SLC38A4: variants seen among roughly 807,000 people sequenced by gnomAD.
The protein encoded by SLC38A4 is solute carrier family 38 member 4.
In SLC38A4, 20 loss-of-function variants were observed where a neutral mutation model predicts 63.1. The observed-to-expected ratio is 0.32, with a 90% CI of 0.22 to 0.46. SLC38A4 has a LOEUF of 0.46. Among genes scored for constraint, SLC38A4 ranks in the 20% least tolerant of loss-of-function variants. The pLI, the probability that SLC38A4 is intolerant of heterozygous loss-of-function variation, is 1.00. For missense variants in SLC38A4, 526 were observed against 663.6 expected (o/e 0.79, Z 2.28); for synonymous variants, 230 against 225.5 (o/e 1.02, Z -0.18).
rs1938327905 is a variant in SLC38A4, at chr12:46,767,625, A to C, written c.1542+685T>G. 3.3e-5 allele frequency among the ~76,000 whole-genome samples: 5 copies of C among 152,244 alleles called. No individual in the cohort carries two copies. The South Asian group carries it at 1.0e-3, about 32-fold the overall frequency. Reference sequence around the variant, plus strand: ...CCCCAGAACATCCCAAAGGTAAATGACTTCAAGGTAAAAATTCAGAGTAAT... The same window carrying C: ...CCCCAGAACATCCCAAAGGTAAATGCCTTCAAGGTAAAAATTCAGAGTAAT... On this transcript the variant is annotated intron_variant, in intron 16 of 16. Transcript: ENST00000266579.
rs947958843 is a variant in SLC38A4 at position 46,787,402 on chromosome 12, T to G, written c.326+514A>C. Among the ~76,000 whole-genome samples, 13 of 152,248 alleles carry G rather than the reference T, an allele frequency of 8.5e-5. No homozygotes were observed. In the East Asian group the frequency reaches 2.5e-3, roughly 29 times the overall value. ...AGGGCGCGCAGTATTCAGGTGAGACTGAACTGACATATGAGGAGTTAACTA... is the reference window on the plus strand; with the variant it reads ...AGGGCGCGCAGTATTCAGGTGAGACGGAACTGACATATGAGGAGTTAACTA... On this transcript the variant is annotated intron_variant, in intron 5 of 16. Coordinates refer to ENST00000266579, the MANE Select transcript of SLC38A4 (RefSeq NM_018018.5).
chr12:46,768,280 A>G, intron 16 of SLC38A4, 30 bp downstream of exon 16: 3 of 1,472,110 alleles, frequency 2.0e-6, no homozygotes, highest in Non-Finnish European at 2.8e-6. Flanking sequence ...AGAACAACTA[A>G]TAATGGGGGA....
chr12:46,774,965 T>C (rs1440207355), intron 14 of SLC38A4, 84 bp downstream of exon 14: 2 of 1,479,408 alleles, frequency 1.4e-6, no homozygotes, highest in African/African-American at 2.8e-5. Flanking sequence ...ACTCACCCTA[T>C]AATTAAATCA....
intron 1 of SLC38A4, among the ~76,000 whole-genome samples, chr12:46,825,604 A>G (rs1939633796): frequency 1.3e-5 from 2 of 152,164 alleles, no homozygotes; most frequent in African/African-American, 4.8e-5. Flanking sequence ...GATCCCTTTA[A>G]CAATAGAGGT....
At chr12:46,807,894 C>G (rs946617018) in intron 1 of SLC38A4, among the ~76,000 whole-genome samples, 4 of 149,056 alleles carry the variant, frequency 2.7e-5, no homozygotes, top group African/African-American at 9.8e-5. Flanking sequence ...ATGTTACCCC[C>G]CCCCCCAAAG....
chr12:46,825,313 T>TTATATA (rs34878223), intron 1 of SLC38A4, among the ~76,000 whole-genome samples: 53,250 of 141,414 alleles, frequency 0.38, 12,423 homozygotes, highest in Non-Finnish European at 0.52. Flanking sequence ...TATACAAAGT[T>TTATATA]TATATATATA....
At chr12:46,785,022 T>C in intron 6 of SLC38A4, 82 bp downstream of exon 6, 1 of 1,118,492 alleles carries the variant, frequency 8.9e-7, no homozygotes, top group Non-Finnish European at 1.4e-6. Context: ...ACTATAATCA[T>C]CCTAAGGTTA....
chr12:46,814,663 G>A (rs1294439479), intron 1 of SLC38A4, among the ~76,000 whole-genome samples: 1 of 151,950 alleles, frequency 6.6e-6, no homozygotes, highest in Non-Finnish European at 1.5e-5. Flanking sequence ...ATCACATTCA[G>A]TAGAATCAAA....
At chr12:46,768,441 T>G in intron 15 of SLC38A4, 34 bp from the exon 16 acceptor site, 1 of 1,524,156 alleles carries the variant, frequency 6.6e-7, no homozygotes, top group Non-Finnish European at 9.0e-7. Context: ...GGTCAATGTC[T>G]TACCCAGCAG....
intron 1 of SLC38A4, among the ~76,000 whole-genome samples, chr12:46,831,513 G>C (rs1275037450): frequency 2.0e-5 from 3 of 152,214 alleles, no homozygotes; most frequent in Non-Finnish European, 4.4e-5. Flanking sequence ...GCAGCAGGCC[G>C]GGCAATCCGA....
intron 2 of SLC38A4, among the ~76,000 whole-genome samples, chr12:46,795,323 C>T (rs1938980038): frequency 6.6e-6 from 1 of 152,066 alleles, no homozygotes; most frequent in African/African-American, 2.4e-5. Context: ...AGTGTCATAA[C>T]TTGCCTGTAG....
intron 2 of SLC38A4, among the ~76,000 whole-genome samples, chr12:46,793,988 A>G (rs989827174): frequency 6.6e-6 from 1 of 152,138 alleles, no homozygotes; most frequent in African/African-American, 2.4e-5. Context: ...TGAATCTACT[A>G]TATGTAGTTG....
chr12:46,808,540 T>G (rs1049254869), intron 1 of SLC38A4, among the ~76,000 whole-genome samples: 2 of 151,968 alleles, frequency 1.3e-5, no homozygotes, highest in South Asian at 2.1e-4. Flanking sequence ...AAAATCTGGT[T>G]AGACAACAGC....
At chr12:46,771,556 G>A (rs1398476489) in intron 14 of SLC38A4, among the ~76,000 whole-genome samples, 1 of 152,056 alleles carries the variant, frequency 6.6e-6, no homozygotes, top group Non-Finnish European at 1.5e-5. Context: ...TAGGTAGAAC[G>A]GTTGGAGTAA....
intron 2 of SLC38A4, among the ~76,000 whole-genome samples, chr12:46,797,763 A>G (rs1391732940): frequency 6.6e-6 from 1 of 152,126 alleles, no homozygotes; most frequent in Non-Finnish European, 1.5e-5. Flanking sequence ...CTCAAGTTCC[A>G]TGTGTCCAGG....
intron 2 of SLC38A4, among the ~76,000 whole-genome samples, chr12:46,799,454 T>C (rs1432815332): frequency 1.3e-5 from 2 of 151,896 alleles, no homozygotes; most frequent in Non-Finnish European, 2.9e-5. Context: ...ATACAAAAAT[T>C]AGCTGGGCAT....
intron 5 of SLC38A4, among the ~76,000 whole-genome samples, chr12:46,785,645 T>A (rs938418262): frequency 4.0e-5 from 6 of 151,838 alleles, no homozygotes; most frequent in African/African-American, 1.2e-4. Flanking sequence ...ATCCTGTGCA[T>A]TAGATTACGA....
chr12:46,777,014 GA>G lies in SLC38A4; in HGVS notation c.1074-11del. On this transcript the variant is annotated splice_polypyrimidine_tract_variant and intron_variant, in intron 12 of 16. Coordinates refer to ENST00000266579, the MANE Select transcript of SLC38A4 (RefSeq NM_018018.5). Reference sequence around the variant, plus strand: ...TTTTCTCCGGGACCGACTGGAAAAAGAAAGAACACCAAGCTTTGTTTTTTAA... The same window carrying G: ...TTTTCTCCGGGACCGACTGGAAAAAGAAGAACACCAAGCTTTGTTTTTTAA... The G allele has an allele frequency of 6.3e-7, 1 of 1,597,948 alleles. No individual in the cohort carries two copies. Among genetic ancestry groups the G allele is most frequent in the South Asian group, 1.1e-5 (1 of 88,982 alleles).
chr12:46,800,571 G>T (rs931778716), intron 2 of SLC38A4, among the ~76,000 whole-genome samples: 2 of 151,862 alleles, frequency 1.3e-5, no homozygotes, highest in Admixed American at 1.3e-4. Flanking sequence ...AAGGCCAATT[G>T]GTCAGAGTGT....
Sources: gnomAD v4.1 joint callset for allele counts (sites outside exome capture counted in the v4.1 genomes callset) on GRCh38, gnomAD v4.1.1 for gene constraint, MANE v1.5 for transcripts, NCBI Gene and HGNC (gene_info 2026-07-23, HGNC 2026-07-21) for gene names.